Variants in DLG2 observed in about 807,000 individuals in gnomAD.
DLG2 encodes discs large MAGUK scaffold protein 2.
A neutral mutation model predicts 132.5 loss-of-function variants in DLG2; 45 were observed. The observed-to-expected ratio is 0.34, with a 90% CI of 0.27 to 0.44. The LOEUF is 0.44. DLG2 is among the 20% of genes least tolerant of loss of function. The pLI is 1.00. For missense variants in DLG2, 1,045 were observed against 1,196.9 expected, an observed-to-expected ratio of 0.87 and a Z score of 1.87; for synonymous variants, 424 against 419.6, an observed-to-expected ratio of 1.01 and a Z score of -0.13.
chr11:84,885,724 G>T (rs530496130), intron 6 of DLG2, among the ~76,000 whole-genome samples: 4 of 152,000 alleles, frequency 2.6e-5, no homozygotes, highest in Admixed American at 2.6e-4. Flanking sequence ...ATGAAATGTG[G>T]CTCCCGCTAT....
chr11:85,037,255 T>G (rs539560625), intron 6 of DLG2, among the ~76,000 whole-genome samples: 1 of 152,288 alleles, frequency 6.6e-6, no homozygotes, highest in South Asian at 2.1e-4. Flanking sequence ...AGAATCTTGA[T>G]GTGGTGGAAA....
At chr11:84,010,704 A>G (rs1251635138) in intron 11 of DLG2, among the ~76,000 whole-genome samples, 1 of 152,124 alleles carries the variant, frequency 6.6e-6, no homozygotes, top group African/African-American at 2.4e-5. Context: ...TAATTATTAA[A>G]AGGAATTGTT....
At chr11:84,157,384 T>G (rs2095449604) in intron 9 of DLG2, among the ~76,000 whole-genome samples, 1 of 152,210 alleles carries the variant, frequency 6.6e-6, no homozygotes. Flanking sequence ...CATTAACATT[T>G]GCACCTGCTA....
chr11:83,864,793 C>G (rs1288005105), intron 16 of DLG2, among the ~76,000 whole-genome samples: 1 of 150,860 alleles, frequency 6.6e-6, no homozygotes, highest in East Asian at 2.0e-4. Flanking sequence ...TTAAGAGTCT[C>G]TGAGGGATTG....
chr11:84,986,212 A>G (rs951753400), intron 6 of DLG2, among the ~76,000 whole-genome samples: 3 of 152,072 alleles, frequency 2.0e-5, no homozygotes. Context: ...AGAGATGGAT[A>G]AATTCCTGGA....
At chr11:85,220,930 T>A (rs998029232) in intron 4 of DLG2, among the ~76,000 whole-genome samples, 6 of 152,132 alleles carry the variant, frequency 3.9e-5, no homozygotes, top group Non-Finnish European at 7.4e-5. Context: ...AAAAGTTGAT[T>A]CCCTAGTTCC....
chr11:84,576,929 TA>T (rs2099501601), intron 6 of DLG2, among the ~76,000 whole-genome samples: 1 of 152,210 alleles, frequency 6.6e-6, no homozygotes, highest in East Asian at 1.9e-4. Flanking sequence ...ATCCAAATCT[TA>T]ACTTGAATTT....
chr11:84,389,293 T>C (rs1037524896), intron 7 of DLG2, among the ~76,000 whole-genome samples: 7 of 152,092 alleles, frequency 4.6e-5, no homozygotes, highest in African/African-American at 1.7e-4. Flanking sequence ...TACATATAAA[T>C]GTGAAATTAC....
intron 16 of DLG2, among the ~76,000 whole-genome samples, chr11:83,867,665 G>A (rs2062654337): frequency 6.6e-6 from 1 of 152,108 alleles, no homozygotes; most frequent in South Asian, 2.1e-4. Flanking sequence ...GGAAACTTCT[G>A]TCTGTTCTAA....
chr11:84,884,362 A>G (rs1464653521), intron 6 of DLG2, among the ~76,000 whole-genome samples: 1 of 152,082 alleles, frequency 6.6e-6, no homozygotes, highest in African/African-American at 2.4e-5. Flanking sequence ...ATGGTCTCTA[A>G]GTAACCACTA....
chr11:84,194,517 G>C (rs1056492868), intron 8 of DLG2, among the ~76,000 whole-genome samples: 1 of 152,176 alleles, frequency 6.6e-6, no homozygotes, highest in African/African-American at 2.4e-5. Context: ...CTGTTGGCTT[G>C]GGCAGTCTGC....
intron 7 of DLG2, among the ~76,000 whole-genome samples, chr11:84,422,259 C>T (rs894720246): frequency 7.2e-5 from 11 of 152,136 alleles, no homozygotes; most frequent in East Asian, 1.9e-4. Flanking sequence ...CTGTTATGCT[C>T]GTGATTTACC....
intron 5 of DLG2, among the ~76,000 whole-genome samples, chr11:85,146,264 C>CTCTCTCTCTCTCTCTCTCTCT (rs56238034): frequency 2.7e-5 from 4 of 149,406 alleles, no homozygotes; most frequent in African/African-American, 5.0e-5. Context: ...CTCTCTCTCT[C>CTCTCTCTCTCTCTCTCTCTCT]CTGAGCTTCC....
intron 2 of DLG2, among the ~76,000 whole-genome samples, chr11:85,610,853 G>C (rs898301885): frequency 6.6e-6 from 1 of 152,214 alleles, no homozygotes; most frequent in Non-Finnish European, 1.5e-5. Context: ...CATTAAAACA[G>C]TTGCAGGGGT....
intron 3 of DLG2, among the ~76,000 whole-genome samples, chr11:85,511,043 T>C (rs1237866898): frequency 6.6e-6 from 1 of 151,868 alleles, no homozygotes; most frequent in Non-Finnish European, 1.5e-5. Flanking sequence ...TATGCAGCCA[T>C]AAAAAATGAT....
chr11:85,331,982 C>T (rs568904347), intron 3 of DLG2, among the ~76,000 whole-genome samples: 59 of 152,186 alleles, frequency 3.9e-4, no homozygotes, highest in African/African-American at 1.4e-3. Context: ...GGTATATACC[C>T]AGTAATGGCA....
intron 11 of DLG2, among the ~76,000 whole-genome samples, chr11:84,052,165 AG>A (rs1830201957): frequency 6.6e-6 from 1 of 151,988 alleles, no homozygotes; most frequent in Non-Finnish European, 1.5e-5. Context: ...ATTTTCATAA[AG>A]CATAGAGTTA....
Position 83,832,618 on chromosome 11 carries a change from G to A in DLG2, c.1722+996C>T, listed in dbSNP as rs2054878673. On this transcript the variant is annotated intron_variant, in intron 17 of 27. Coordinates refer to ENST00000376104, the MANE Select transcript of DLG2 (RefSeq NM_001142699.3). ...GGGGACTCCTAGAGTGGGGAGGGAA[G>A]GAAAAGGGAAATGATTGAAAAACTA... Among the ~76,000 whole-genome samples the A allele has an allele frequency of 3.3e-5, 5 of 152,180 alleles. No homozygotes were observed. In the South Asian group the frequency reaches 1.0e-3, roughly 32 times the overall value.
chr11:85,481,580 C>T (rs891970908), intron 3 of DLG2, among the ~76,000 whole-genome samples: 4 of 152,052 alleles, frequency 2.6e-5, no homozygotes, highest in Admixed American at 2.0e-4. Context: ...AGGCCCACCC[C>T]CAATAAAGCC....
Sources: allele counts gnomAD v4.1 joint callset (sites outside exome capture counted in the v4.1 genomes callset), GRCh38; gene constraint gnomAD v4.1.1; transcripts MANE v1.5; gene names NCBI Gene and HGNC (gene_info 2026-07-23, HGNC 2026-07-21).